PSPH: variants seen among roughly 807,000 people sequenced by gnomAD.
The protein encoded by PSPH is phosphoserine phosphatase.
PSPH carries 16 observed loss-of-function variants against 23.4 expected under a neutral mutation model. The observed-to-expected ratio is 0.68, with a 90% CI of 0.46 to 1.04. PSPH has a LOEUF of 1.04. Among genes scored for constraint, PSPH ranks in the 50% least tolerant of loss-of-function variants. PSPH has a pLI of 0.00. For missense variants in PSPH, 223 were observed against 273.7 expected (o/e 0.81, Z 1.31); for synonymous variants, 68 against 99.7 (o/e 0.68, Z 1.89).
intron 1 of PSPH, among the ~76,000 whole-genome samples, chr7:56,042,410 G>A (rs1158097653): frequency 6.6e-6 from 1 of 152,098 alleles, no homozygotes; most frequent in Non-Finnish European, 1.5e-5. Context: ...CAGCAATCTG[G>A]GAGGCCAAAG....
At chr7:56,024,631 C>T (rs1208869020) in intron 3 of PSPH, among the ~76,000 whole-genome samples, 10 of 151,456 alleles carry the variant, frequency 6.6e-5, no homozygotes, top group Admixed American at 3.3e-4. Context: ...ACCTATAGAC[C>T]TAGCTACTCA....
At chr7:56,043,915 G>A (rs1391783920) in intron 1 of PSPH, among the ~76,000 whole-genome samples, 2 of 152,054 alleles carry the variant, frequency 1.3e-5, no homozygotes, top group African/African-American at 2.4e-5. Context: ...GGCTACAAAC[G>A]ATAGTTTTGA....
At chr7:56,012,470 C>T (rs766943224) in intron 7 of PSPH, among the ~76,000 whole-genome samples, 8 of 151,358 alleles carry the variant, frequency 5.3e-5, no homozygotes, top group East Asian at 2.0e-4. Flanking sequence ...CGTGAGCCAC[C>T]GCTCCTGGCT....
intron 1 of PSPH, among the ~76,000 whole-genome samples, chr7:56,044,646 G>A (rs1439377860): frequency 6.6e-6 from 1 of 152,164 alleles, no homozygotes; most frequent in Non-Finnish European, 1.5e-5. Flanking sequence ...TGTAATCCCA[G>A]CACTTTGGGA....
chr7:56,038,144 A>G (rs906788753), intron 1 of PSPH, among the ~76,000 whole-genome samples: 1 of 151,558 alleles, frequency 6.6e-6, no homozygotes, highest in Non-Finnish European at 1.5e-5. Context: ...ATTCAGTAAC[A>G]TTGAACACAT....
intron 1 of PSPH, among the ~76,000 whole-genome samples, chr7:56,041,988 C>T (rs1413782055): frequency 1.3e-5 from 2 of 151,568 alleles, no homozygotes; most frequent in African/African-American, 4.8e-5. Flanking sequence ...TTTGGGTGGC[C>T]GAGGCTGGTG....
chr7:56,046,385 A>C (rs942247700), intron 1 of PSPH, among the ~76,000 whole-genome samples: 9 of 151,488 alleles, frequency 5.9e-5, no homozygotes, highest in Non-Finnish European at 7.4e-5. Context: ...TGATCTGCCC[A>C]CCTCGGTGTT....
At chr7:56,045,002 G>A (rs904074529) in intron 1 of PSPH, among the ~76,000 whole-genome samples, 2 of 151,428 alleles carry the variant, frequency 1.3e-5, no homozygotes, top group African/African-American at 4.9e-5. Flanking sequence ...AACTCGGGAG[G>A]TGGAGATTGC....
chr7:56,015,201 G>C (rs1256066316), intron 6 of PSPH, 30 bp from the exon 7 acceptor site: 1 of 1,612,012 alleles, frequency 6.2e-7, no homozygotes, highest in Non-Finnish European at 8.5e-7. Context: ...TAGGGTTAAA[G>C]ACCCAGAGAA....
chr7:56,019,954 G>A, intron 4 of PSPH: 1 of 646,064 alleles, frequency 1.5e-6, no homozygotes, highest in Non-Finnish European at 2.8e-6. Flanking sequence ...AGTGACTCAT[G>A]CCCATAATCC....
chr7:56,021,564 C>A (rs191794308), intron 3 of PSPH, among the ~76,000 whole-genome samples: 5 of 126,528 alleles, frequency 4.0e-5, no homozygotes, highest in Admixed American at 1.6e-4. Flanking sequence ...AATACCTGTG[C>A]CTCCTTGAAG....
At chr7:56,048,808 TTTTGC>T (rs1484232540) in intron 1 of PSPH, among the ~76,000 whole-genome samples, 54 of 151,618 alleles carry the variant, frequency 3.6e-4, no homozygotes, top group African/African-American at 1.3e-3. Flanking sequence ...TTTTTTTTTT[TTTTGC>T]TTTAAGTTCA....
chr7:56,042,378 C>T (rs9649860), intron 1 of PSPH, among the ~76,000 whole-genome samples: 26,624 of 152,048 alleles, frequency 0.18, 2,620 homozygotes, highest in Admixed American at 0.24. Context: ...GAGCCGGGCA[C>T]AGTGACTCAC....
chr7:56,032,398 C>T (rs1389939540), intron 2 of PSPH, among the ~76,000 whole-genome samples: 4 of 152,150 alleles, frequency 2.6e-5, no homozygotes, highest in African/African-American at 9.7e-5. Flanking sequence ...TGATGGCTCA[C>T]ACCTGTAATC....
intron 7 of PSPH, among the ~76,000 whole-genome samples, chr7:56,012,879 G>A (rs1176872219): frequency 6.7e-6 from 1 of 149,854 alleles, no homozygotes; most frequent in Non-Finnish European, 1.5e-5. Flanking sequence ...ACAGGCGTGA[G>A]CCACTGCGCC....
intron 1 of PSPH, among the ~76,000 whole-genome samples, chr7:56,047,265 G>A (rs898219402): frequency 6.6e-6 from 1 of 151,678 alleles, no homozygotes; most frequent in Non-Finnish European, 1.5e-5. Context: ...AGTGGTGCAC[G>A]TCTGTAGTCT....
intron 4 of PSPH, among the ~76,000 whole-genome samples, chr7:56,020,825 G>GC (rs1343792118): frequency 1.3e-5 from 2 of 151,878 alleles, no homozygotes; most frequent in Non-Finnish European, 2.9e-5. Flanking sequence ...CTTGGACCTC[G>GC]CCCCCCAGGC....
At chr7:56,020,101 C>A (rs1789142462) in intron 4 of PSPH, among the ~76,000 whole-genome samples, 1 of 151,996 alleles carries the variant, frequency 6.6e-6, no homozygotes, top group Non-Finnish European at 1.5e-5. Flanking sequence ...CGCCTGTAAT[C>A]CCAGCTACTT....
At chr7:56,040,779 G>C (rs1331949841) in intron 1 of PSPH, among the ~76,000 whole-genome samples, 1 of 152,014 alleles carries the variant, frequency 6.6e-6, no homozygotes, top group Non-Finnish European at 1.5e-5. Flanking sequence ...GGCACATGCA[G>C]ATCCCGGAAA....
Sources: gnomAD v4.1 joint callset for allele counts (sites outside exome capture counted in the v4.1 genomes callset) on GRCh38, gnomAD v4.1.1 for gene constraint, MANE v1.5 for transcripts, NCBI Gene and HGNC (gene_info 2026-07-23, HGNC 2026-07-21) for gene names.